NOL4: variants seen among roughly 807,000 people sequenced by gnomAD.
NOL4 encodes cancer/testis antigen 125.
Under a neutral mutation model 75.9 loss-of-function variants are expected in NOL4, and 17 were observed. That is an observed-to-expected ratio of 0.22 (90% confidence interval 0.15 to 0.34). NOL4 has a LOEUF of 0.34. Among genes scored for constraint, NOL4 ranks in the 10% least tolerant of loss-of-function variants. The pLI, the probability that NOL4 is intolerant of heterozygous loss-of-function variation, is 1.00. For synonymous variants in NOL4, 292 were observed against 289.9 expected, an observed-to-expected ratio of 1.01 and a Z score of -0.07; for missense variants, 614 against 793.5, an observed-to-expected ratio of 0.77 and a Z score of 2.72.
intron 10 of NOL4, among the ~76,000 whole-genome samples, chr18:33,881,609 C>T (rs1020227944): frequency 4.7e-4 from 72 of 151,694 alleles, no homozygotes; most frequent in African/African-American, 1.4e-3. Flanking sequence ...GAATCAATAT[C>T]GTGAAAATGG....
At chr18:33,898,308 G>A (rs1274510144) in intron 9 of NOL4, among the ~76,000 whole-genome samples, 1 of 152,060 alleles carries the variant, frequency 6.6e-6, no homozygotes, top group African/African-American at 2.4e-5. Context: ...TGATCACATG[G>A]CAGATATGGT....
intron 9 of NOL4, among the ~76,000 whole-genome samples, chr18:33,918,639 A>G (rs1275767975): frequency 4.6e-5 from 7 of 152,236 alleles, no homozygotes; most frequent in East Asian, 1.9e-4. Flanking sequence ...ACATCTAAAG[A>G]CTAAACTTAC....
rs1005195233 is a variant in NOL4, at chr18:34,072,660, C to T, written c.772+20805G>A. ...GTGTAATACCTCTTATTTTCATGTG[C>T]GCACGAACATTTACCAAGTCAGGTC... On this transcript the variant is annotated intron_variant, in intron 5 of 10. Coordinates refer to ENST00000261592, the MANE Select transcript of NOL4 (RefSeq NM_003787.5). Among the ~76,000 whole-genome samples, 75 of 152,204 alleles carry T rather than the reference C, an allele frequency of 4.9e-4. 1 individual carries two copies. In the Middle Eastern group the frequency reaches 0.014, roughly 28 times the overall value.
At chr18:33,868,691 ACG>A (rs1491207421) in intron 10 of NOL4, among the ~76,000 whole-genome samples, 1 of 149,714 alleles carries the variant, frequency 6.7e-6, no homozygotes, top group African/African-American at 2.5e-5. Flanking sequence ...ACACACACAC[ACG>A]TTTATCCCAG....
At chr18:34,053,752 A>G (rs2076721619) in intron 5 of NOL4, among the ~76,000 whole-genome samples, 2 of 152,130 alleles carry the variant, frequency 1.3e-5, no homozygotes, top group South Asian at 4.1e-4. Context: ...AGGGGGAGCA[A>G]TATTATAATT....
intron 9 of NOL4, among the ~76,000 whole-genome samples, chr18:33,921,949 T>A (rs1453937839): frequency 2.0e-5 from 3 of 152,142 alleles, no homozygotes; most frequent in Non-Finnish European, 2.9e-5. Flanking sequence ...CAAAACTAAA[T>A]ATGTGGCCTA....
intron 9 of NOL4, among the ~76,000 whole-genome samples, chr18:33,913,948 A>G (rs183492100): frequency 2.6e-5 from 4 of 152,220 alleles, no homozygotes; most frequent in Admixed American, 2.6e-4. Flanking sequence ...TATTTATGTA[A>G]TGCCCACTGT....
At chr18:34,158,135 T>C (rs981514153) in intron 1 of NOL4, among the ~76,000 whole-genome samples, 2 of 152,172 alleles carry the variant, frequency 1.3e-5, no homozygotes, top group African/African-American at 4.8e-5. Flanking sequence ...TGATTATCAG[T>C]AGCAAAAGCT....
At chr18:33,861,957 G>T (rs546842398) in intron 10 of NOL4, among the ~76,000 whole-genome samples, 1 of 152,042 alleles carries the variant, frequency 6.6e-6, no homozygotes, top group Non-Finnish European at 1.5e-5. Context: ...AGCCCACATC[G>T]CCAAGTCAAA....
chr18:34,141,224 G>C (rs1260632984), intron 1 of NOL4, among the ~76,000 whole-genome samples: 1 of 152,118 alleles, frequency 6.6e-6, no homozygotes, highest in African/African-American at 2.4e-5. Context: ...CTCATGGATA[G>C]GAAGAATCAA....
intron 9 of NOL4, among the ~76,000 whole-genome samples, chr18:33,939,603 G>C (rs981961860): frequency 6.6e-6 from 1 of 152,048 alleles, no homozygotes; most frequent in African/African-American, 2.4e-5. Context: ...GAATGCTTGT[G>C]ATTTTTTGCA....
At chr18:33,883,682 T>A (rs1194370091) in intron 9 of NOL4, among the ~76,000 whole-genome samples, 1 of 152,036 alleles carries the variant, frequency 6.6e-6, no homozygotes, top group Non-Finnish European at 1.5e-5. Flanking sequence ...AGAAAGTTAC[T>A]CACAATAACC....
At chr18:33,859,980 G>T (rs578120764) in intron 10 of NOL4, among the ~76,000 whole-genome samples, 1 of 152,054 alleles carries the variant, frequency 6.6e-6, no homozygotes, top group Non-Finnish European at 1.5e-5. Flanking sequence ...AAGGAAAGAG[G>T]TTTAATTGAC....
intron 1 of NOL4, among the ~76,000 whole-genome samples, chr18:34,145,675 AC>A (rs2081367839): frequency 6.6e-6 from 1 of 151,964 alleles, no homozygotes; most frequent in African/African-American, 2.4e-5. Flanking sequence ...TTTTAAATGA[AC>A]ATTATCTCGG....
chr18:34,184,731 A>T lies in NOL4; in HGVS notation c.264+38259T>A, dbSNP rs550289212. Among the ~76,000 whole-genome samples the T allele has an allele frequency of 2.6e-5, 4 of 152,276 alleles. No individual in the cohort carries two copies. The South Asian group carries it at 8.3e-4, about 32-fold the overall frequency. On this transcript the variant is annotated intron_variant, in intron 1 of 10. Coordinates refer to ENST00000261592, the MANE Select transcript of NOL4 (RefSeq NM_003787.5). ...TAGCATTTGACTTTTCAAATTTCAGAATGGAGGCTAAACCAATCCCATTTA... is the reference window on the plus strand; with the variant it reads ...TAGCATTTGACTTTTCAAATTTCAGTATGGAGGCTAAACCAATCCCATTTA...
At chr18:34,046,634 A>G (rs1054618735) in intron 5 of NOL4, among the ~76,000 whole-genome samples, 1 of 137,484 alleles carries the variant, frequency 7.3e-6, no homozygotes, top group African/African-American at 2.6e-5. Context: ...ATATATATAT[A>G]TATGTATATG....
chr18:33,909,849 T>C lies in NOL4; in HGVS notation c.1543-26425A>G, dbSNP rs2066287693. 2.6e-5 allele frequency among the ~76,000 whole-genome samples: 4 copies of C among 152,080 alleles called. No individual in the cohort carries two copies. The South Asian group carries it at 8.3e-4, about 32-fold the overall frequency. On this transcript the variant is annotated intron_variant, in intron 9 of 10. Transcript: ENST00000261592. Reference sequence around the variant, plus strand: ...ATAAAATATATAAAAAAAAAAATTATTTCATGCAGTGATAACCATTAATAA... The same window carrying C: ...ATAAAATATATAAAAAAAAAAATTACTTCATGCAGTGATAACCATTAATAA...
chr18:34,003,120 G>A (rs1386897700), intron 6 of NOL4, among the ~76,000 whole-genome samples: 1 of 152,020 alleles, frequency 6.6e-6, no homozygotes, highest in Non-Finnish European at 1.5e-5. Flanking sequence ...TGAGCATTTA[G>A]TTCAAAAATC....
intron 9 of NOL4, among the ~76,000 whole-genome samples, chr18:33,899,235 CAT>C (rs948168331): frequency 6.6e-6 from 1 of 152,136 alleles, no homozygotes; most frequent in African/African-American, 2.4e-5. Flanking sequence ...CTGGTGCCCA[CAT>C]GTCTGCAGTC....
Sources: gnomAD v4.1 joint callset for allele counts (sites outside exome capture counted in the v4.1 genomes callset) on GRCh38, gnomAD v4.1.1 for gene constraint, MANE v1.5 for transcripts, NCBI Gene and HGNC (gene_info 2026-07-23, HGNC 2026-07-21) for gene names.